BBIP1: variants seen among roughly 807,000 people sequenced by gnomAD.
BBIP1 encodes BBSome interacting protein 1.
A neutral mutation model predicts 8.9 loss-of-function variants in BBIP1; 6 were observed. That is an observed-to-expected ratio of 0.67 (90% confidence interval 0.37 to 1.33). BBIP1 has a LOEUF of 1.33. BBIP1 is among the 40% of genes most tolerant of loss of function. The pLI is 0.02. For synonymous variants in BBIP1, 32 were observed against 33.4 expected, an observed-to-expected ratio of 0.96 and a Z score of 0.14; for missense variants, 111 against 109.2, an observed-to-expected ratio of 1.02 and a Z score of -0.07.
intron 2 of BBIP1, among the ~76,000 whole-genome samples, chr10:110,905,511 G>A (rs1021295423): frequency 8.6e-5 from 13 of 151,802 alleles, no homozygotes; most frequent in African/African-American, 3.2e-4. Flanking sequence ...GCAGTGAGCC[G>A]AGATCGTGCC....
intron 2 of BBIP1, chr10:110,910,599 G>C (rs1267755966): frequency 6.6e-6 from 1 of 152,192 alleles, no homozygotes; most frequent in African/African-American, 2.4e-5. Flanking sequence ...ACACTAAGAG[G>C]AGAAGATATG....
In BBIP1 at chr10:110,900,297, A is replaced by ATT; in HGVS notation, c.*61_*62dup. The stretch of plus-strand genomic sequence containing the variant: ...TACTACTTTCAGCACACAGAAGCAT[A>ATT]TTTTCTAGTTATTGTTAAATAGTAG... On this transcript the variant is annotated 3_prime_UTR_variant, in exon 4 of 4. Transcript: ENST00000448814. 7.1e-7 allele frequency: 1 copy of ATT among 1,410,056 alleles called. No homozygotes were observed. The highest frequency in any genetic ancestry group is 9.4e-7 in the Non-Finnish European group (1 of 1,060,060). The allele number at this position is 1,410,056 out of a possible 1,614,324, so 87.3% of individuals were successfully genotyped here.
At chr10:110,908,638 T>G (rs1181127714) in intron 2 of BBIP1, among the ~76,000 whole-genome samples, 1 of 152,036 alleles carries the variant, frequency 6.6e-6, no homozygotes, top group Non-Finnish European at 1.5e-5. Context: ...GAAGTATTTG[T>G]AAAAATGCCA....
At chr10:110,917,059 C>T (rs1251433697) in intron 2 of BBIP1, among the ~76,000 whole-genome samples, 2 of 151,908 alleles carry the variant, frequency 1.3e-5, no homozygotes, top group Non-Finnish European at 2.9e-5. Flanking sequence ...TTCTGGTTTA[C>T]AAGAAGAAAA....
At chr10:110,914,432 C>G (rs1180112185) in intron 2 of BBIP1, among the ~76,000 whole-genome samples, 1 of 151,684 alleles carries the variant, frequency 6.6e-6, no homozygotes, top group African/African-American at 2.4e-5. Context: ...CAAAAACATA[C>G]TAGATTTCTG....
intron 3 of BBIP1, 43 bp from the exon 4 acceptor site, chr10:110,900,569 C>T: frequency 2.1e-6 from 3 of 1,433,866 alleles, no homozygotes; most frequent in Non-Finnish European, 2.8e-6. Context: ...GAAAGATAAC[C>T]CAGTTGTTTG....
chr10:110,909,415 C>T (rs1171359882), intron 2 of BBIP1, among the ~76,000 whole-genome samples: 2 of 152,098 alleles, frequency 1.3e-5, no homozygotes, highest in Non-Finnish European at 2.9e-5. Context: ...AGGATGGTCT[C>T]GATCTCCTGA....
At chr10:110,918,043 G>A in intron 2 of BBIP1, 78 bp downstream of exon 2, 1 of 1,291,598 alleles carries the variant, frequency 7.7e-7, no homozygotes, top group South Asian at 1.3e-5. Flanking sequence ...AAGTACTAAG[G>A]AAGCAGAAAT....
At chr10:110,903,146 G>C (rs1359916755) in intron 2 of BBIP1, 1 of 152,204 alleles carries the variant, frequency 6.6e-6, no homozygotes, top group African/African-American at 2.4e-5. Flanking sequence ...ATACATAGGA[G>C]CTAAGGATTT....
intron 2 of BBIP1, chr10:110,902,576 GCTT>G (rs1458859271): frequency 1.3e-5 from 2 of 152,204 alleles, no homozygotes; most frequent in Non-Finnish European, 2.9e-5. Flanking sequence ...ATCAAGTGAA[GCTT>G]CTTCTGGTTT....
intron 2 of BBIP1, among the ~76,000 whole-genome samples, chr10:110,916,634 C>T (rs1393048933): frequency 6.6e-6 from 1 of 152,200 alleles, no homozygotes; most frequent in African/African-American, 2.4e-5. Context: ...GCTTTGATAA[C>T]ATCAAGATTC....
In BBIP1 at chr10:110,899,167, TAACTC is replaced by T. The variant is rs1315592630; in HGVS notation, c.*1188_*1192del. On this transcript the variant is annotated 3_prime_UTR_variant, in exon 4 of 4. Coordinates refer to ENST00000448814, the MANE Select transcript of BBIP1 (RefSeq NM_001195305.3). ...TTTTAACCTCTTTTACATAGCCTAA[TAACTC>T]AGCAAGGCCTCAACGTCTGTGCTAA... 4 of 152,224 alleles carry T rather than the reference TAACTC, an allele frequency of 2.6e-5. No homozygotes were observed. Among genetic ancestry groups the T allele is most frequent in the Non-Finnish European group, 5.9e-5 (4 of 68,022 alleles). The allele number at this position is 152,224 out of a possible 1,614,324, so 9.4% of individuals were successfully genotyped here. A position where few individuals can be genotyped will look rare whatever the true frequency, so the allele number is the denominator to read the frequency against.
chr10:110,909,222 G>A (rs980974939), intron 2 of BBIP1, among the ~76,000 whole-genome samples: 1 of 150,814 alleles, frequency 6.6e-6, no homozygotes, highest in African/African-American at 2.4e-5. Flanking sequence ...TTTTTGAGAC[G>A]GAGTCTTGCT....
At chr10:110,907,960 T>A in intron 2 of BBIP1, 2 of 547,906 alleles carry the variant, frequency 3.7e-6, no homozygotes, top group Non-Finnish European at 6.4e-6. Flanking sequence ...TAAAGTTATG[T>A]GATTCTGGAA....
At chr10:110,917,783 C>A (rs970708189) in intron 2 of BBIP1, among the ~76,000 whole-genome samples, 2 of 152,150 alleles carry the variant, frequency 1.3e-5, no homozygotes, top group Admixed American at 6.5e-5. Context: ...ACAAACCATT[C>A]TATTTAGGTG....
chr10:110,902,295 T>G (rs1846024152), intron 2 of BBIP1: 1 of 152,780 alleles, frequency 6.5e-6, no homozygotes, highest in Non-Finnish European at 1.5e-5. Flanking sequence ...CATCCCAGCA[T>G]ATATGCCATT....
At position 110,901,063 on chromosome 10, in the gene BBIP1, ATTGT is replaced by A. The variant is rs545749376; in HGVS notation, c.112+471_112+474del. ...CACTTTGGGATGCCAAAGGGGTTGG[ATTGT>A]TTGTTTGAGCCCAGGGGTTTGAGAC... is the stretch of plus-strand genomic sequence containing the variant. On this transcript the variant is annotated intron_variant, in intron 3 of 3. Coordinates refer to ENST00000448814, the MANE Select transcript of BBIP1 (RefSeq NM_001195305.3). 4.5e-4 allele frequency: 196 copies of A among 436,312 alleles called. 2 individuals carry two copies. The highest frequency in any genetic ancestry group is 1.4e-3 in the South Asian group (86 of 60,626). 27.0% of individuals were successfully genotyped at this position (436,312 alleles called of 1,614,324 possible). A position where few individuals can be genotyped will look rare whatever the true frequency, so the allele number is the denominator to read the frequency against.
At position 110,918,072 on chromosome 10, in the gene BBIP1, T is replaced by C. The variant is rs958562725; in HGVS notation, c.37+49A>G. 14 of 1,484,244 alleles carry C rather than the reference T, an allele frequency of 9.4e-6. No homozygotes were observed. The Admixed American group carries it at 2.6e-4, about 27-fold the overall frequency. The allele number at this position is 1,484,244 out of a possible 1,614,324, so 91.9% of individuals were successfully genotyped here. On this transcript the variant is annotated intron_variant, in intron 2 of 3. Transcript: ENST00000448814. ...CAGAAATTAAGTCGAGAAGGTAGGT[T>C]TGCATCTGTATTGTTGACTGGCTGG...
intron 1 of BBIP1, 113 bp from the exon 2 acceptor site, chr10:110,918,326 C>A: frequency 1.7e-6 from 1 of 605,496 alleles, no homozygotes; most frequent in South Asian, 2.0e-5. Flanking sequence ...AATCCCACCA[C>A]CAGAACCGCA....
Sources: gnomAD v4.1 joint callset for allele counts (sites outside exome capture counted in the v4.1 genomes callset) on GRCh38, gnomAD v4.1.1 for gene constraint, MANE v1.5 for transcripts, NCBI Gene and HGNC (gene_info 2026-07-23, HGNC 2026-07-21) for gene names.